Variants in TENM3 observed in about 807,000 individuals in gnomAD.
TENM3 encodes teneurin-3.
A neutral mutation model predicts 255.1 loss-of-function variants in TENM3; 63 were observed. That is an observed-to-expected ratio of 0.25 (90% CI 0.20 to 0.30). TENM3 has a LOEUF of 0.30. Among genes scored for constraint, TENM3 ranks in the 10% least tolerant of loss-of-function variants. TENM3 has a pLI of 1.00. For missense variants in TENM3, 2,929 were observed against 3,461.1 expected (o/e 0.85, Z 3.86); for synonymous variants, 1,306 against 1,322.3 (o/e 0.99, Z 0.27).
chr4:182,641,429 AT>A (rs1190641067), intron 5 of TENM3, among the ~76,000 whole-genome samples: 3 of 152,198 alleles, frequency 2.0e-5, no homozygotes, highest in Non-Finnish European at 4.4e-5. Flanking sequence ...ATATTTTACC[AT>A]TTTTTAAAAA....
At chr4:182,455,515 TC>T (rs1249257632) in intron 3 of TENM3, among the ~76,000 whole-genome samples, 1 of 150,408 alleles carries the variant, frequency 6.6e-6, no homozygotes, top group Non-Finnish European at 1.5e-5. Flanking sequence ...CTTCCTTGCA[TC>T]TCACAGAGTT....
At chr4:182,751,541 A>AT (rs1762369987) in intron 19 of TENM3, among the ~76,000 whole-genome samples, 1 of 152,166 alleles carries the variant, frequency 6.6e-6, no homozygotes, top group African/African-American at 2.4e-5. Flanking sequence ...TAAAGGTAAT[A>AT]TTTTTTAAGA....
At chr4:181,694,960 C>G in the TENM3 span, among the ~76,000 whole-genome samples, 1 of 151,592 alleles carries the variant, frequency 6.6e-6, no homozygotes, top group African/African-American at 2.4e-5. Context: ...TTTTCTCTCT[C>G]CATACTCTTC....
the TENM3 span, among the ~76,000 whole-genome samples, chr4:181,869,313 A>T: frequency 6.6e-6 from 1 of 152,170 alleles, no homozygotes; most frequent in Non-Finnish European, 1.5e-5. Flanking sequence ...GTCACCTTAC[A>T]TATGCTTAAA....
intron 3 of TENM3, among the ~76,000 whole-genome samples, chr4:182,549,928 G>T (rs1264025704): frequency 6.6e-6 from 1 of 152,150 alleles, no homozygotes; most frequent in African/African-American, 2.4e-5. Context: ...GAAATGTTGG[G>T]TTCATTTAGA....
At chr4:182,166,633 T>G (rs975106763) in intron 1 of TENM3, among the ~76,000 whole-genome samples, 2 of 152,150 alleles carry the variant, frequency 1.3e-5, no homozygotes, top group African/African-American at 4.8e-5. Flanking sequence ...TCTTCTCTTT[T>G]CTTTTCTTTT....
At chr4:181,910,604 AT>A in the TENM3 span, among the ~76,000 whole-genome samples, 2 of 148,920 alleles carry the variant, frequency 1.3e-5, no homozygotes, top group African/African-American at 4.9e-5. Context: ...ATATATATAT[AT>A]ATATAAATAC....
At chr4:182,729,493 G>A (rs1471296207) in intron 14 of TENM3, among the ~76,000 whole-genome samples, 2 of 151,926 alleles carry the variant, frequency 1.3e-5, no homozygotes, top group Non-Finnish European at 2.9e-5. Context: ...GACCCCAAAA[G>A]GCAGAACAGA....
At chr4:181,957,432 A>G in the TENM3 span, among the ~76,000 whole-genome samples, 7 of 152,146 alleles carry the variant, frequency 4.6e-5, no homozygotes, top group South Asian at 8.3e-4. Flanking sequence ...CGTGCAATCT[A>G]TTTTCTCAAG....
At chr4:182,472,315 T>C (rs1733203921) in intron 3 of TENM3, among the ~76,000 whole-genome samples, 1 of 152,240 alleles carries the variant, frequency 6.6e-6, no homozygotes, top group African/African-American at 2.4e-5. Context: ...TTCTTTTTCT[T>C]AGACATAATT....
At chr4:181,639,005 A>G in the TENM3 span, among the ~76,000 whole-genome samples, 3 of 152,180 alleles carry the variant, frequency 2.0e-5, no homozygotes, top group Non-Finnish European at 2.9e-5. Flanking sequence ...AACTGGACAA[A>G]TTGTTAAATA....
chr4:182,561,918 C>T (rs1743219945), intron 3 of TENM3, among the ~76,000 whole-genome samples: 1 of 150,966 alleles, frequency 6.6e-6, no homozygotes, highest in African/African-American at 2.4e-5. Flanking sequence ...TTGCACCAAC[C>T]TATATAAGAC....
In TENM3 at chr4:182,616,654, C is replaced by T. The variant is rs1050808795; in HGVS notation, c.750-11997C>T. On this transcript the variant is annotated intron_variant, in intron 4 of 27. Transcript: ENST00000511685. ...CAGATGCTCGTGTGGGTGGGCTTCTCCCGGAAGATTCCCAGCAGCCTCTGC... is the reference window on the plus strand; with the variant it reads ...CAGATGCTCGTGTGGGTGGGCTTCTTCCGGAAGATTCCCAGCAGCCTCTGC... Among the ~76,000 whole-genome samples, 7 of 151,138 alleles carry T rather than the reference C, an allele frequency of 4.6e-5. No individual in the cohort carries two copies. In the East Asian group the frequency reaches 5.8e-4, roughly 13 times the overall value.
intron 1 of TENM3, among the ~76,000 whole-genome samples, chr4:182,200,826 C>CTTTTTT (rs11389090): frequency 7.4e-6 from 1 of 135,398 alleles, no homozygotes; most frequent in Non-Finnish European, 1.6e-5. Context: ...ACTAGAGTGC[C>CTTTTTT]TTTTTTTTTT....
the TENM3 span, among the ~76,000 whole-genome samples, chr4:181,856,598 C>G: frequency 1.3e-5 from 2 of 152,178 alleles, no homozygotes; most frequent in African/African-American, 2.4e-5. Context: ...CGAATTGTTT[C>G]TAACAAAGTT....
At chr4:182,114,072 T>A in the TENM3 span, among the ~76,000 whole-genome samples, 2 of 152,144 alleles carry the variant, frequency 1.3e-5, no homozygotes, top group Non-Finnish European at 2.9e-5. Context: ...GTTTTAATAT[T>A]TTTGGGATCA....
chr4:182,263,112 A>G (rs564929550), intron 1 of TENM3, among the ~76,000 whole-genome samples: 3 of 152,180 alleles, frequency 2.0e-5, no homozygotes, highest in Admixed American at 6.5e-5. Flanking sequence ...GTCCTGTAAC[A>G]TAATGTCTGG....
At chr4:182,293,807 T>C (rs1443439781) in intron 1 of TENM3, among the ~76,000 whole-genome samples, 1 of 151,912 alleles carries the variant, frequency 6.6e-6, no homozygotes, top group East Asian at 1.9e-4. Context: ...CAATCAAAAC[T>C]CTCTTTCCCT....
intron 1 of TENM3, among the ~76,000 whole-genome samples, chr4:182,231,479 A>G (rs1399822910): frequency 6.6e-6 from 1 of 152,184 alleles, no homozygotes; most frequent in Non-Finnish European, 1.5e-5. Flanking sequence ...GTCTTGCTTG[A>G]GTACACTAAA....
Sources: allele counts gnomAD v4.1 joint callset (sites outside exome capture counted in the v4.1 genomes callset), GRCh38; gene constraint gnomAD v4.1.1; transcripts MANE v1.5; gene names NCBI Gene and HGNC (gene_info 2026-07-23, HGNC 2026-07-21).